The following PLD5 variants were observed in gnomAD, a reference collection of about 807,000 sequenced individuals.
The protein encoded by PLD5 is inactive phospholipase D5.
PLD5 carries 36 observed loss-of-function variants against 61.1 expected under a neutral mutation model. The ratio of observed to expected loss-of-function variants is 0.59; its 90% CI spans 0.45 to 0.78. The LOEUF (loss-of-function observed/expected upper bound fraction) is 0.78, where lower values mean the gene tolerates loss of function less well. Ranked by LOEUF, PLD5 falls within the 30% of genes least tolerant of loss-of-function variation. The probability of loss-of-function intolerance (pLI) is 0.00; values close to 1 mark genes in which losing one functional copy is unlikely to be tolerated. For missense variants in PLD5, 515 were observed against 644.4 expected, an observed-to-expected ratio of 0.80 and a Z score of 2.17; for synonymous variants, 243 against 242.8, an observed-to-expected ratio of 1.00 and a Z score of -0.01.
chr1:242,173,438 A>G (rs1403550698), intron 5 of PLD5, among the ~76,000 whole-genome samples: 3 of 152,182 alleles, frequency 2.0e-5, no homozygotes, highest in East Asian at 3.8e-4. Flanking sequence ...ATGCTCATGG[A>G]TAGGAAGAAT....
At position 242,207,884 on chromosome 1, in the gene PLD5, A is replaced by ATT. The variant is rs1669494499; in HGVS notation, c.735+12102_735+12103dup. 5.6e-4 allele frequency among the ~76,000 whole-genome samples: 16 copies of ATT among 28,610 alleles called. 5 individuals carry two copies. The East Asian group carries it at 0.021, about 37-fold the overall frequency. 18.8% of individuals were successfully genotyped at this position (28,610 alleles called of 152,430 possible). On this transcript the variant is annotated intron_variant, in intron 5 of 9. Transcript: ENST00000536534. ...TTTATATATTTATATATATTTATAT[A>ATT]TTTATATATATTTATATATTTATAT...
At chr1:242,390,152 G>T (rs936734664) in intron 1 of PLD5, among the ~76,000 whole-genome samples, 3 of 151,726 alleles carry the variant, frequency 2.0e-5, no homozygotes, top group Non-Finnish European at 4.4e-5. Flanking sequence ...TCTGCCTCTT[G>T]GGTTCAAGTG....
intron 5 of PLD5, among the ~76,000 whole-genome samples, chr1:242,200,369 T>C (rs1303782976): frequency 6.6e-6 from 1 of 152,174 alleles, no homozygotes; most frequent in East Asian, 1.9e-4. Context: ...ATTCAACCTG[T>C]GGTGAGTCTA....
chr1:242,170,308 C>T (rs916069594), intron 5 of PLD5, among the ~76,000 whole-genome samples: 2 of 152,126 alleles, frequency 1.3e-5, no homozygotes, highest in Non-Finnish European at 2.9e-5. Context: ...TGGAGTGGAC[C>T]GCTAACAAAC....
chr1:242,503,863 G>A (rs570952018), intron 1 of PLD5, among the ~76,000 whole-genome samples: 7 of 152,248 alleles, frequency 4.6e-5, no homozygotes, highest in African/African-American at 7.2e-5. Flanking sequence ...CTGCTGATGC[G>A]GAGCAGAAAG....
rs34331301 is a variant in PLD5, at chr1:242,507,994, GTT to G, written c.189+16092_189+16093del. 1.6e-3 allele frequency among the ~76,000 whole-genome samples: 237 copies of G among 147,520 alleles called. 2 individuals are homozygous for G. Among genetic ancestry groups the G allele is most frequent in the African/African-American group, 7.9e-4 (32 of 40,370 alleles). ...TTCTCAGTAAAGACTTTTTTAATCT[GTT>G]TTTTTTTTTTCCAATGCCGACCAGC... On this transcript the variant is annotated intron_variant, in intron 1 of 9. Coordinates refer to ENST00000536534, the MANE Select transcript of PLD5 (RefSeq NM_001372062.1).
intron 5 of PLD5, among the ~76,000 whole-genome samples, chr1:242,131,600 C>G (rs114290833): frequency 1.8e-3 from 272 of 152,206 alleles, no homozygotes; most frequent in African/African-American, 6.4e-3. Context: ...GATTAAGGGT[C>G]TTCAAGAAAG....
chr1:242,214,156 C>T (rs1669997035), intron 5 of PLD5, among the ~76,000 whole-genome samples: 1 of 152,162 alleles, frequency 6.6e-6, no homozygotes, highest in Non-Finnish European at 1.5e-5. Context: ...ATAGTTCACT[C>T]TCCCATACCT....
intron 3 of PLD5, among the ~76,000 whole-genome samples, chr1:242,272,117 C>T (rs1199477682): frequency 1.3e-5 from 2 of 152,048 alleles, no homozygotes; most frequent in East Asian, 3.9e-4. Flanking sequence ...TAAACAATCT[C>T]AGTAAAAGTT....
At chr1:242,514,884 G>A (rs1246557990) in intron 1 of PLD5, among the ~76,000 whole-genome samples, 1 of 152,188 alleles carries the variant, frequency 6.6e-6, no homozygotes, top group African/African-American at 2.4e-5. Flanking sequence ...GAACATCAAG[G>A]ACAAAGACCT....
chr1:242,517,564 T>G (rs748284298), intron 1 of PLD5, among the ~76,000 whole-genome samples: 4 of 152,232 alleles, frequency 2.6e-5, no homozygotes, highest in Non-Finnish European at 4.4e-5. Context: ...TCATTATGTA[T>G]GACAGTATCC....
intron 4 of PLD5, among the ~76,000 whole-genome samples, chr1:242,223,628 C>A (rs373318869): frequency 6.6e-6 from 1 of 152,280 alleles, no homozygotes; most frequent in East Asian, 1.9e-4. Flanking sequence ...TGGCATGCTT[C>A]ATTTTCTCTA....
chr1:242,091,218 TAC>T (rs1165655128), intron 9 of PLD5, among the ~76,000 whole-genome samples: 1 of 152,200 alleles, frequency 6.6e-6, no homozygotes, highest in Admixed American at 6.5e-5. Flanking sequence ...TCAATAGAGT[TAC>T]ATTCTGAGGT....
At position 242,465,924 on chromosome 1, in the gene PLD5, G is replaced by C. The variant is rs550040216; in HGVS notation, c.189+58164C>G. Among the ~76,000 whole-genome samples the C allele has an allele frequency of 3.9e-4, 60 of 152,218 alleles. 1 individual carries two copies. The highest frequency in any genetic ancestry group is 7.4e-4 in the Non-Finnish European group (50 of 68,008). ...AGCCTAGGCAACAGAGCAAGACTCT[G>C]GCTCATGGAGGGAAAGAAAACAGAA... On this transcript the variant is annotated intron_variant, in intron 1 of 9. Coordinates refer to ENST00000536534, the MANE Select transcript of PLD5 (RefSeq NM_001372062.1).
intron 2 of PLD5, among the ~76,000 whole-genome samples, chr1:242,310,784 GATTA>G (rs1218600476): frequency 6.6e-6 from 1 of 152,168 alleles, no homozygotes; most frequent in Non-Finnish European, 1.5e-5. Flanking sequence ...GAGATTATGA[GATTA>G]GTTACTTTAA....
At chr1:242,447,359 A>T (rs2810037) in intron 1 of PLD5, among the ~76,000 whole-genome samples, 51,218 of 152,102 alleles carry the variant, frequency 0.34, 8,994 homozygotes, top group African/African-American at 0.37. Context: ...CTGGGTAAGA[A>T]AACTGATCAC....
intron 1 of PLD5, among the ~76,000 whole-genome samples, chr1:242,405,971 TGTA>T (rs2149283391): frequency 6.6e-6 from 1 of 152,280 alleles, no homozygotes; most frequent in Admixed American, 6.5e-5. Flanking sequence ...GCAAAATGGC[TGTA>T]GTTTCTCAGC....
chr1:242,281,484 CTG>C (rs1189888425), intron 3 of PLD5, among the ~76,000 whole-genome samples: 12 of 152,062 alleles, frequency 7.9e-5, no homozygotes, highest in African/African-American at 2.9e-4. Context: ...ACATAATTTA[CTG>C]TGTTTTCAAA....
intron 2 of PLD5, among the ~76,000 whole-genome samples, chr1:242,309,758 A>C (rs1676588817): frequency 6.7e-6 from 1 of 148,986 alleles, no homozygotes; most frequent in Non-Finnish European, 1.5e-5. Flanking sequence ...ATTGGAATTC[A>C]ATCAGTCATT....
Sources: allele counts gnomAD v4.1 joint callset (sites outside exome capture counted in the v4.1 genomes callset), GRCh38; gene constraint gnomAD v4.1.1; transcripts MANE v1.5; gene names NCBI Gene and HGNC (gene_info 2026-07-23, HGNC 2026-07-21).